The following NLGN1 variants were observed in gnomAD, a reference collection of about 807,000 sequenced individuals.
NLGN1 encodes neuroligin-1.
Under a neutral mutation model 65.5 loss-of-function variants are expected in NLGN1, and 12 were observed. The observed-to-expected ratio is 0.18, with a 90% CI of 0.12 to 0.30. The LOEUF (loss-of-function observed/expected upper bound fraction) is 0.30, where lower values mean the gene tolerates loss of function less well. Among genes scored for constraint, NLGN1 ranks in the 10% least tolerant of loss-of-function variants. NLGN1 has a pLI of 1.00. For synonymous variants in NLGN1, 350 were observed against 359.5 expected (o/e 0.97, Z 0.30); for missense variants, 750 against 1,007.1 (o/e 0.74, Z 3.46).
chr3:173,716,330 T>TTG (rs909880343), intron 3 of NLGN1, among the ~76,000 whole-genome samples: 3 of 152,136 alleles, frequency 2.0e-5, no homozygotes, highest in Non-Finnish European at 4.4e-5. Context: ...AGGGTAGTGT[T>TTG]TGTGTGTGTG....
intron 4 of NLGN1, among the ~76,000 whole-genome samples, chr3:174,216,276 T>C (rs974658509): frequency 3.3e-5 from 5 of 152,114 alleles, no homozygotes; most frequent in Non-Finnish European, 5.9e-5. Context: ...CAAAGAAGGC[T>C]TCACAGAATG....
At chr3:173,582,842 C>CA (rs1746613012) in intron 2 of NLGN1, among the ~76,000 whole-genome samples, 1 of 152,040 alleles carries the variant, frequency 6.6e-6, no homozygotes, top group African/African-American at 2.4e-5. Context: ...CTCATCTACC[C>CA]AAAATCATAA....
intron 4 of NLGN1, among the ~76,000 whole-genome samples, chr3:174,081,846 C>T (rs1054931805): frequency 5.9e-5 from 9 of 152,124 alleles, no homozygotes; most frequent in Admixed American, 2.0e-4. Flanking sequence ...GCTGGGATTA[C>T]AGGCATGAGC....
chr3:174,055,978 TTG>T, intron 4 of NLGN1, among the ~76,000 whole-genome samples: 1 of 151,988 alleles, frequency 6.6e-6, no homozygotes, highest in African/African-American at 2.4e-5. Context: ...TGAAAATAAA[TTG>T]TGTTATCGAA....
At chr3:173,845,720 A>G (rs1181410646) in intron 4 of NLGN1, among the ~76,000 whole-genome samples, 2 of 152,192 alleles carry the variant, frequency 1.3e-5, no homozygotes, top group African/African-American at 4.8e-5. Flanking sequence ...GTTCTTAAAC[A>G]GAAATCTGTC....
chr3:173,485,511 A>G (rs1196171157), intron 2 of NLGN1, among the ~76,000 whole-genome samples: 1 of 152,164 alleles, frequency 6.6e-6, no homozygotes, highest in Non-Finnish European at 1.5e-5. Flanking sequence ...AGTCGTATTG[A>G]ATTTACATTA....
chr3:173,990,849 G>A lies in NLGN1; in HGVS notation c.646+183017G>A, dbSNP rs537728275. On this transcript the variant is annotated intron_variant, in intron 4 of 6. Transcript: ENST00000457714. ...TGGGTATTAGAATATAAAACTACTT[G>A]TTAAGATTGTGTTTCATTTTCTTAT... Among the ~76,000 whole-genome samples the A allele has an allele frequency of 3.9e-5, 6 of 152,140 alleles. No individual in the cohort carries two copies. In the South Asian group the frequency reaches 1.2e-3, roughly 32 times the overall value.
chr3:174,051,383 A>C (rs138283484), intron 4 of NLGN1, among the ~76,000 whole-genome samples: 11 of 152,162 alleles, frequency 7.2e-5, no homozygotes, highest in African/African-American at 2.6e-4. Flanking sequence ...CACTGATGAG[A>C]CGGTTCCATT....
At chr3:174,286,308 G>C (rs1277024926) in exon 7 of NLGN1, 1 of 151,402 alleles carries the variant, frequency 6.6e-6, no homozygotes, top group African/African-American at 2.4e-5. Context: ...ATTGCTAGCA[G>C]TTTTGAGTTG....
chr3:173,458,435 G>A (rs1336462473), intron 2 of NLGN1, among the ~76,000 whole-genome samples: 1 of 151,872 alleles, frequency 6.6e-6, no homozygotes, highest in Non-Finnish European at 1.5e-5. Context: ...TCTCTTTTCT[G>A]TATCATTTAT....
chr3:173,527,948 G>C (rs904389078), intron 2 of NLGN1, among the ~76,000 whole-genome samples: 1 of 152,164 alleles, frequency 6.6e-6, no homozygotes, highest in Non-Finnish European at 1.5e-5. Flanking sequence ...TAGGTCATTT[G>C]TGTTCAAGGT....
At chr3:173,597,854 AT>A (rs1749755813) in intron 2 of NLGN1, among the ~76,000 whole-genome samples, 1 of 152,196 alleles carries the variant, frequency 6.6e-6, no homozygotes, top group South Asian at 2.1e-4. Flanking sequence ...AGGCACAGAG[AT>A]TTTTAGGGCA....
intron 3 of NLGN1, among the ~76,000 whole-genome samples, chr3:173,614,048 C>G (rs1228178701): frequency 6.8e-6 from 1 of 147,378 alleles, no homozygotes. Flanking sequence ...AAAAAAAGAC[C>G]ATATCATCTC....
chr3:173,849,716 G>A (rs1006893431), intron 4 of NLGN1, among the ~76,000 whole-genome samples: 1 of 152,008 alleles, frequency 6.6e-6, no homozygotes. Flanking sequence ...TTAGCCTCTC[G>A]TATAAATTTA....
intron 4 of NLGN1, among the ~76,000 whole-genome samples, chr3:173,898,144 T>G (rs1457589628): frequency 1.3e-5 from 2 of 152,220 alleles, no homozygotes; most frequent in Non-Finnish European, 2.9e-5. Flanking sequence ...ATTCTAAATT[T>G]TGCTAGTGTT....
At position 173,788,833 on chromosome 3, in the gene NLGN1, TAAAAAAAAAAAAAAA is replaced by T. The variant is rs3979635; in HGVS notation, c.494-18832_494-18818del. On this transcript the variant is annotated intron_variant, in intron 3 of 6. Coordinates refer to ENST00000457714, the Ensembl canonical transcript of NLGN1. ...CTGGGTTACACAGCAAGACCTCATT[TAAAAAAAAAAAAAAA>T]AAAAAAAAAAAAAAGACCTGATTCC... 1.0e-3 allele frequency among the ~76,000 whole-genome samples: 54 copies of T among 53,536 alleles called. No homozygotes were observed. In the South Asian group the frequency reaches 0.029, roughly 29 times the overall value. 35.1% of individuals were successfully genotyped at this position (53,536 alleles called of 152,430 possible). A position where few individuals can be genotyped will look rare whatever the true frequency, so the allele number is the denominator to read the frequency against.
intron 4 of NLGN1, among the ~76,000 whole-genome samples, chr3:174,059,418 T>C (rs184211520): frequency 3.3e-5 from 5 of 152,236 alleles, no homozygotes; most frequent in Admixed American, 2.6e-4. Flanking sequence ...GAAACTGCTA[T>C]AAATGAAAGG....
intron 2 of NLGN1, among the ~76,000 whole-genome samples, chr3:173,557,855 G>A (rs1171135151): frequency 6.6e-6 from 1 of 151,996 alleles, no homozygotes; most frequent in East Asian, 1.9e-4. Flanking sequence ...CATATTTTCT[G>A]TAGATTCAAA....
chr3:174,206,313 C>A (rs1735401056), intron 4 of NLGN1, among the ~76,000 whole-genome samples: 1 of 152,172 alleles, frequency 6.6e-6, no homozygotes, highest in Non-Finnish European at 1.5e-5. Flanking sequence ...AGATACTGGG[C>A]TCGAGGATCA....
Sources: gnomAD v4.1 joint callset for allele counts (sites outside exome capture counted in the v4.1 genomes callset) on GRCh38, gnomAD v4.1.1 for gene constraint, MANE v1.5 for transcripts, NCBI Gene and HGNC (gene_info 2026-07-23, HGNC 2026-07-21) for gene names.